Variants in TTLL11 observed in about 807,000 individuals in gnomAD.
TTLL11 encodes the protein tubulin tyrosine ligase like 11, also known as tubulin polyglutamylase TTLL11.
Under a neutral mutation model 51.7 loss-of-function variants are expected in TTLL11, and 42 were observed. The observed-to-expected ratio is 0.81, with a 90% CI of 0.64 to 1.05. The LOEUF is 1.05. Among genes scored for constraint, TTLL11 ranks in the 50% least tolerant of loss-of-function variants. The probability of loss-of-function intolerance (pLI) is 0.00; values close to 1 mark genes in which losing one functional copy is unlikely to be tolerated. For synonymous variants in TTLL11, 381 were observed against 383.5 expected, an observed-to-expected ratio of 0.99 and a Z score of 0.08; for missense variants, 799 against 940.4, an observed-to-expected ratio of 0.85 and a Z score of 1.97.
At chr9:121,865,308 G>A (rs1280820075) in intron 7 of TTLL11, among the ~76,000 whole-genome samples, 3 of 152,198 alleles carry the variant, frequency 2.0e-5, no homozygotes, top group Admixed American at 2.0e-4. Context: ...ATAAAAGGGA[G>A]TGGAAGGGGA....
intron 3 of TTLL11, among the ~76,000 whole-genome samples, chr9:122,019,778 A>G (rs1413574220): frequency 6.6e-6 from 1 of 152,236 alleles, no homozygotes; most frequent in Non-Finnish European, 1.5e-5. Context: ...CTTGAATTGT[A>G]GCTCCTATAA....
rs1032732602 is a variant in TTLL11 at position 121,816,669 on chromosome 9, T to TGTGTGCATGC, written c.*5908_*5917dup. On this transcript the variant is annotated 3_prime_UTR_variant, in exon 9 of 9. Coordinates refer to ENST00000321582, the MANE Select transcript of TTLL11 (RefSeq NM_001139442.2). ...ACATGCGTGTGTGTGCATGTGTGCGTGTGTGCATGCGTGTGCATCGTGTGT... is the reference window on the plus strand; with the variant it reads ...ACATGCGTGTGTGTGCATGTGTGCGTGTGTGCATGCGTGTGCATGCGTGTGCATCGTGTGT... 6.6e-6 allele frequency: 1 copy of TGTGTGCATGC among 151,132 alleles called. No homozygotes were observed. 9.4% of individuals were successfully genotyped at this position (151,132 alleles called of 1,614,324 possible).
At chr9:121,916,154 G>C (rs775555537) in intron 6 of TTLL11, among the ~76,000 whole-genome samples, 22 of 152,120 alleles carry the variant, frequency 1.4e-4, no homozygotes, top group Admixed American at 7.9e-4. Context: ...TAGCACACAG[G>C]CCATAGAAAC....
intron 7 of TTLL11, among the ~76,000 whole-genome samples, chr9:121,866,896 G>A (rs1838196435): frequency 6.6e-6 from 1 of 152,106 alleles, no homozygotes; most frequent in Admixed American, 6.5e-5. Context: ...CCACTGATTG[G>A]GAATGATGGC....
chr9:122,015,150 C>A (rs1241293354), intron 3 of TTLL11, among the ~76,000 whole-genome samples: 1 of 152,128 alleles, frequency 6.6e-6, no homozygotes, highest in African/African-American at 2.4e-5. Context: ...AACACAGATG[C>A]CAGTCGTCAT....
rs148502297 is a variant in TTLL11 at position 121,861,648 on chromosome 9, C to A, written c.1734-1205G>T. Among the ~76,000 whole-genome samples, 309 of 152,238 alleles carry A rather than the reference C, an allele frequency of 2.0e-3. 4 individuals are homozygous for A. Among genetic ancestry groups the A allele is most frequent in the African/African-American group, 7.1e-3 (297 of 41,542 alleles). On this transcript the variant is annotated intron_variant, in intron 7 of 8. Transcript: ENST00000321582. Reference sequence around the variant, plus strand: ...TCCAGAAGGAGGAGGGGAAGCTAGGCCCTCGGCACTGCCCTCTCCTGGAGT... The same window carrying A: ...TCCAGAAGGAGGAGGGGAAGCTAGGACCTCGGCACTGCCCTCTCCTGGAGT...
intron 6 of TTLL11, among the ~76,000 whole-genome samples, chr9:121,876,980 G>A (rs1304905632): frequency 6.6e-6 from 1 of 152,220 alleles, no homozygotes; most frequent in Admixed American, 6.5e-5. Context: ...ATAGAGACAG[G>A]CAGCTTTAGA....
intron 5 of TTLL11, 40 bp downstream of exon 5, chr9:121,974,844 T>A: frequency 2.1e-6 from 3 of 1,425,314 alleles, no homozygotes; most frequent in Non-Finnish European, 2.9e-6. Context: ...AATATTCAGC[T>A]GTATGGCAAC....
At chr9:122,031,612 C>T in intron 3 of TTLL11, 111 bp downstream of exon 3, 2 of 1,351,950 alleles carry the variant, frequency 1.5e-6, no homozygotes, top group Non-Finnish European at 2.0e-6. Flanking sequence ...AAGATGCTCC[C>T]TTAGTCGCAG....
chr9:121,961,770 A>G (rs561383674), intron 6 of TTLL11, among the ~76,000 whole-genome samples: 37 of 152,332 alleles, frequency 2.4e-4, no homozygotes, highest in Middle Eastern at 3.4e-3. Flanking sequence ...AAGGGAGAAA[A>G]ATAGGCCAGG....
At chr9:121,837,492 T>G (rs1837213152) in intron 8 of TTLL11, among the ~76,000 whole-genome samples, 1 of 151,974 alleles carries the variant, frequency 6.6e-6, no homozygotes, top group Non-Finnish European at 1.5e-5. Flanking sequence ...CTGTGGGCGG[T>G]CTGGCAGGTG....
chr9:122,070,220 G>A (rs1037502030), intron 1 of TTLL11, among the ~76,000 whole-genome samples: 3 of 152,136 alleles, frequency 2.0e-5, no homozygotes, highest in Admixed American at 6.5e-5. Flanking sequence ...TAACTGAGCT[G>A]GATATTGAAA....
At chr9:122,054,421 T>C (rs751515644) in intron 1 of TTLL11, among the ~76,000 whole-genome samples, 1 of 152,160 alleles carries the variant, frequency 6.6e-6, no homozygotes, top group Non-Finnish European at 1.5e-5. Context: ...TTAGTAGTAA[T>C]TATATTATTA....
At chr9:121,913,398 G>T (rs9408931) in intron 6 of TTLL11, among the ~76,000 whole-genome samples, 1 of 152,112 alleles carries the variant, frequency 6.6e-6, no homozygotes, top group African/African-American at 2.4e-5. Context: ...ACTGTCCCCA[G>T]CACAGTCTTC....
intron 3 of TTLL11, among the ~76,000 whole-genome samples, chr9:121,996,584 C>T (rs1843274495): frequency 1.3e-5 from 2 of 152,282 alleles, no homozygotes; most frequent in South Asian, 4.1e-4. Flanking sequence ...GAGACTTGCC[C>T]AAGGCCACAC....
chr9:121,858,461 C>T (rs1251287611), intron 8 of TTLL11, among the ~76,000 whole-genome samples: 1 of 152,176 alleles, frequency 6.6e-6, no homozygotes, highest in African/African-American at 2.4e-5. Context: ...ATGTAAAGTG[C>T]CTGCAGAGTG....
At chr9:121,961,593 T>C (rs1842224611) in intron 6 of TTLL11, among the ~76,000 whole-genome samples, 1 of 152,178 alleles carries the variant, frequency 6.6e-6, no homozygotes. Flanking sequence ...CCCCAGGGAC[T>C]CTCTCTACCC....
intron 2 of TTLL11, among the ~76,000 whole-genome samples, chr9:122,037,208 T>G (rs1844726734): frequency 6.6e-6 from 1 of 152,174 alleles, no homozygotes; most frequent in African/African-American, 2.4e-5. Flanking sequence ...ATTCAAAGCG[T>G]TTTCTCTTCC....
At chr9:122,041,653 T>A (rs1010901305) in intron 1 of TTLL11, among the ~76,000 whole-genome samples, 11 of 152,102 alleles carry the variant, frequency 7.2e-5, no homozygotes, top group Non-Finnish European at 1.5e-4. Context: ...GACCTTTTTT[T>A]AAAAGAATTC....
Sources: gnomAD v4.1 joint callset for allele counts (sites outside exome capture counted in the v4.1 genomes callset) on GRCh38, gnomAD v4.1.1 for gene constraint, MANE v1.5 for transcripts, NCBI Gene and HGNC (gene_info 2026-07-23, HGNC 2026-07-21) for gene names.